SPATA13: variants seen among roughly 807,000 people sequenced by gnomAD.
SPATA13 encodes the protein spermatogenesis associated 13, also known as spermatogenesis-associated protein 13.
In SPATA13, 50 loss-of-function variants were observed where a neutral mutation model predicts 104.0. The observed-to-expected ratio is 0.48, with a 90% CI of 0.38 to 0.61. The LOEUF (loss-of-function observed/expected upper bound fraction) is 0.61, where lower values mean the gene tolerates loss of function less well. Among genes scored for constraint, SPATA13 ranks in the 20% least tolerant of loss-of-function variants. The probability of loss-of-function intolerance (pLI) is 0.00; values close to 1 mark genes in which losing one functional copy is unlikely to be tolerated. For synonymous variants in SPATA13, 606 were observed against 667.5 expected (o/e 0.91, Z 1.42); for missense variants, 1,524 against 1,690.6 (o/e 0.90, Z 1.73).
At chr13:24,001,402 G>A (rs1875961520) in intron 2 of SPATA13, among the ~76,000 whole-genome samples, 1 of 152,076 alleles carries the variant, frequency 6.6e-6, no homozygotes, top group South Asian at 2.1e-4. Flanking sequence ...CTGAGAAGGA[G>A]GGTGTGAGAG....
intron 3 of SPATA13, among the ~76,000 whole-genome samples, chr13:24,021,230 T>C (rs375838873): frequency 5.9e-5 from 9 of 152,264 alleles, no homozygotes; most frequent in South Asian, 2.1e-4. Flanking sequence ...TGACAGAGAA[T>C]GGGGAGTATT....
chr13:24,158,210 CAGAGAAGA>C (rs1882320393), upstream of SPATA13, among the ~76,000 whole-genome samples: 1 of 152,142 alleles, frequency 6.6e-6, no homozygotes, highest in Non-Finnish European at 1.5e-5. Flanking sequence ...AAAAGATCAG[CAGAGAAGA>C]AAAGAGGTCA....
intron 1 of SPATA13, among the ~76,000 whole-genome samples, chr13:24,190,697 T>C (rs1421098968): frequency 2.0e-5 from 3 of 151,360 alleles, no homozygotes; most frequent in Admixed American, 6.6e-5. Flanking sequence ...GAATGAGGAG[T>C]TGCTTCTTGT....
intron 1 of SPATA13, chr13:23,983,645 GTT>G (rs71898296): frequency 6.8e-5 from 10 of 146,488 alleles, no homozygotes; most frequent in South Asian, 4.4e-4. Flanking sequence ...TCTGTTGGTT[GTT>G]TTTTTTTTTT....
At chr13:24,022,937 C>CTT (rs150612649) in intron 3 of SPATA13, among the ~76,000 whole-genome samples, 30 of 151,494 alleles carry the variant, frequency 2.0e-4, no homozygotes, top group South Asian at 1.3e-3. Context: ...CTTGAATCTT[C>CTT]TTTTTTTTTA....
intron 1 of SPATA13, among the ~76,000 whole-genome samples, chr13:24,203,415 C>A (rs1018533683): frequency 6.6e-6 from 1 of 152,128 alleles, no homozygotes; most frequent in Non-Finnish European, 1.5e-5. Context: ...TGTGTCTGAG[C>A]CCCTAAGAAA....
At chr13:24,069,819 A>G (rs532247996) in intron 3 of SPATA13, among the ~76,000 whole-genome samples, 5 of 152,350 alleles carry the variant, frequency 3.3e-5, no homozygotes, top group Non-Finnish European at 5.9e-5. Flanking sequence ...TACATAATCT[A>G]AGACCAAATG....
chr13:24,237,300 T>C (rs1593448844), intron 2 of SPATA13, among the ~76,000 whole-genome samples: 1 of 151,774 alleles, frequency 6.6e-6, no homozygotes, highest in African/African-American at 2.4e-5. Context: ...GGGGTGGAGG[T>C]TGCAGTGAGC....
chr13:24,144,407 C>A (rs1187928150), intron 3 of SPATA13, among the ~76,000 whole-genome samples: 12 of 152,178 alleles, frequency 7.9e-5, no homozygotes, highest in Admixed American at 7.9e-4. Context: ...GCGAATGAAA[C>A]TAACATCACT....
intron 1 of SPATA13, among the ~76,000 whole-genome samples, chr13:24,186,828 T>C (rs78501242): frequency 0.036 from 5,430 of 152,300 alleles, 151 homozygotes; most frequent in South Asian, 0.056. Flanking sequence ...GAAATAGGAT[T>C]GGAAATCCTA....
At chr13:24,019,157 C>T (rs1400307254) in intron 3 of SPATA13, among the ~76,000 whole-genome samples, 3 of 147,184 alleles carry the variant, frequency 2.0e-5, no homozygotes, top group Admixed American at 1.4e-4. Flanking sequence ...GGCGGGATCT[C>T]GGCTCACTGT....
intron 1 of SPATA13, among the ~76,000 whole-genome samples, chr13:24,207,890 AG>A (rs1870794448): frequency 6.6e-6 from 1 of 152,208 alleles, no homozygotes; most frequent in African/African-American, 2.4e-5. Context: ...GTGTGATCTT[AG>A]GACCTAACCT....
intron 8 of SPATA13, among the ~76,000 whole-genome samples, 167 bp from the exon 9 acceptor site, chr13:24,290,485 T>C (rs928705813): frequency 6.6e-6 from 1 of 152,126 alleles, no homozygotes; most frequent in African/African-American, 2.4e-5. Context: ...GCGGAAACCA[T>C]GGCAGGGCAG....
At chr13:24,175,628 GTATT>G (rs1006428106) in intron 1 of SPATA13, among the ~76,000 whole-genome samples, 15 of 152,268 alleles carry the variant, frequency 9.9e-5, no homozygotes, top group African/African-American at 3.4e-4. Flanking sequence ...TGTTTACCAA[GTATT>G]TATTTAATTA....
chr13:24,051,863 C>T lies in SPATA13; in HGVS notation c.-112+34162C>T, dbSNP rs1878353096. On this transcript the variant is annotated intron_variant, in intron 3 of 14. Coordinates refer to the SPATA13 transcript ENST00000424834. This position sits in a 1 kb window ranked among gnomAD's most constrained non-coding sequence, Gnocchi z 4.2. ...CCCAAGGGACAGAGGAGGCAGTGGC[C>T]GCCAGCCTGGGGTCCTAGGAGTTCC... Among the ~76,000 whole-genome samples, 1 of 152,134 alleles carries T rather than the reference C, an allele frequency of 6.6e-6. No individual in the cohort carries two copies. Among genetic ancestry groups the T allele is most frequent in the African/African-American group, 2.4e-5 (1 of 41,422 alleles).
intron 3 of SPATA13, among the ~76,000 whole-genome samples, chr13:24,104,317 T>A (rs2137805507): frequency 6.6e-6 from 1 of 152,246 alleles, no homozygotes; most frequent in African/African-American, 2.4e-5. Flanking sequence ...TTCATCTTAA[T>A]TTAAAGGGAT....
intron 3 of SPATA13, among the ~76,000 whole-genome samples, chr13:24,138,692 T>A (rs1321039897): frequency 6.6e-6 from 1 of 151,784 alleles, no homozygotes; most frequent in Non-Finnish European, 1.5e-5. Flanking sequence ...CAAGTGATTC[T>A]CCCACCTCAG....
intron 3 of SPATA13, among the ~76,000 whole-genome samples, chr13:24,098,206 A>G (rs1420559216): frequency 6.6e-6 from 1 of 152,230 alleles, no homozygotes; most frequent in Non-Finnish European, 1.5e-5. Context: ...GGAAAAATAC[A>G]GAAGTGAAGT....
At chr13:24,020,251 A>G (rs1876918686) in intron 3 of SPATA13, among the ~76,000 whole-genome samples, 1 of 152,198 alleles carries the variant, frequency 6.6e-6, no homozygotes, top group Non-Finnish European at 1.5e-5. Context: ...TTCCATTTCA[A>G]ACTTAAGCAT....
Sources: gnomAD v4.1 joint callset for allele counts (sites outside exome capture counted in the v4.1 genomes callset) on GRCh38, gnomAD v4.1.1 for gene constraint, Gnocchi (gnomAD v3.1) non-coding constraint, MANE v1.5 for transcripts, NCBI Gene and HGNC (gene_info 2026-07-23, HGNC 2026-07-21) for gene names.